COG5: variants seen among roughly 807,000 people sequenced by gnomAD.
COG5 encodes the protein conserved oligomeric Golgi complex subunit 5.
Under a neutral mutation model 110.4 loss-of-function variants are expected in COG5, and 86 were observed. The observed-to-expected ratio is 0.78, with a 90% CI of 0.65 to 0.93. The LOEUF (loss-of-function observed/expected upper bound fraction) is 0.93, where lower values mean the gene tolerates loss of function less well. Ranked by LOEUF, COG5 falls within the 40% of genes least tolerant of loss-of-function variation. COG5 has a pLI of 0.00. For synonymous variants in COG5, 360 were observed against 334.6 expected (o/e 1.08, Z -0.83); for missense variants, 1,077 against 987.0 (o/e 1.09, Z -1.22).
intron 10 of COG5, among the ~76,000 whole-genome samples, chr7:107,325,693 A>G (rs549628351): frequency 6.6e-6 from 1 of 152,158 alleles, no homozygotes; most frequent in Non-Finnish European, 1.5e-5. Flanking sequence ...TAAAAATAAA[A>G]TAAAATATCT....
At chr7:107,434,427 T>A (rs1275387030) in intron 6 of COG5, among the ~76,000 whole-genome samples, 1 of 152,076 alleles carries the variant, frequency 6.6e-6, no homozygotes, top group Non-Finnish European at 1.5e-5. Flanking sequence ...AACCCAAAAG[T>A]CCACTGGCAG....
chr7:107,465,874 T>TAAC (rs1011211649), intron 6 of COG5, among the ~76,000 whole-genome samples: 1 of 152,116 alleles, frequency 6.6e-6, no homozygotes, highest in Admixed American at 6.6e-5. Flanking sequence ...AACAGAGCAC[T>TAAC]AGATTGTAGA....
chr7:107,252,533 A>C (rs1027106680), intron 16 of COG5, among the ~76,000 whole-genome samples: 3 of 152,160 alleles, frequency 2.0e-5, no homozygotes, highest in Non-Finnish European at 4.4e-5. Flanking sequence ...GAAGAGGAGG[A>C]AACACTTTCA....
At chr7:107,325,617 C>G (rs1275162707) in intron 10 of COG5, among the ~76,000 whole-genome samples, 1 of 152,110 alleles carries the variant, frequency 6.6e-6, no homozygotes, top group Admixed American at 6.6e-5. Context: ...CGCCACTGCA[C>G]TTCAGCCTGG....
At chr7:107,271,500 A>G (rs142534244) in intron 14 of COG5, among the ~76,000 whole-genome samples, 10 of 152,096 alleles carry the variant, frequency 6.6e-5, no homozygotes, top group African/African-American at 2.4e-4. Flanking sequence ...TCTTGCCCAT[A>G]TTTTGCCAAA....
intron 11 of COG5, among the ~76,000 whole-genome samples, chr7:107,318,031 TTTC>T (rs1315041220): frequency 1.3e-5 from 2 of 152,176 alleles, no homozygotes; most frequent in Non-Finnish European, 2.9e-5. Flanking sequence ...TCTTTCTTTC[TTTC>T]TTTCTTTTTT....
chr7:107,298,479 A>G (rs1806960263), intron 11 of COG5, 133 bp from the exon 12 acceptor site: 1 of 566,802 alleles, frequency 1.8e-6, no homozygotes, highest in Middle Eastern at 4.8e-4. Flanking sequence ...GAGGCCTTTT[A>G]TAATAATGCT....
chr7:107,399,095 G>A (rs1016743974), intron 7 of COG5, among the ~76,000 whole-genome samples: 3 of 152,060 alleles, frequency 2.0e-5, no homozygotes, highest in South Asian at 2.1e-4. Context: ...CCAGCTACTC[G>A]GAAGTCTGAG....
intron 17 of COG5, among the ~76,000 whole-genome samples, chr7:107,246,096 C>CA: frequency 6.6e-6 from 1 of 152,156 alleles, no homozygotes; most frequent in South Asian, 2.1e-4. Flanking sequence ...ACAATGCTGA[C>CA]AAAAGCAAGC....
intron 12 of COG5, among the ~76,000 whole-genome samples, chr7:107,290,127 T>C (rs1806040945): frequency 6.6e-6 from 1 of 152,230 alleles, no homozygotes; most frequent in Non-Finnish European, 1.5e-5. Context: ...CATAACTGAC[T>C]GTTCCTGTAC....
chr7:107,332,121 T>C (rs2129031410), intron 10 of COG5, among the ~76,000 whole-genome samples: 1 of 152,260 alleles, frequency 6.6e-6, no homozygotes, highest in Admixed American at 6.5e-5. Flanking sequence ...GTACTGGGAT[T>C]ACAGGCATGA....
chr7:107,220,815 C>CTTTTTTTTTTTTTTTTTTT (rs1168926155), intron 19 of COG5, among the ~76,000 whole-genome samples: 1 of 123,932 alleles, frequency 8.1e-6, no homozygotes, highest in Non-Finnish European at 1.7e-5. Flanking sequence ...CTCATGCCTT[C>CTTTTTTTTTTTTTTTTTTT]TTTTTTTTTT....
At chr7:107,417,773 A>AAG (rs1334223339) in intron 6 of COG5, among the ~76,000 whole-genome samples, 7 of 152,228 alleles carry the variant, frequency 4.6e-5, no homozygotes, top group Admixed American at 4.6e-4. Flanking sequence ...AGTCTAATCT[A>AAG]AGTTATGAAG....
intron 6 of COG5, among the ~76,000 whole-genome samples, chr7:107,440,516 G>A (rs1054978085): frequency 6.6e-6 from 1 of 152,064 alleles, no homozygotes; most frequent in African/African-American, 2.4e-5. Context: ...TAATAAGACG[G>A]TCTTTTGCAT....
At chr7:107,213,936 A>G (rs780654926) in intron 19 of COG5, among the ~76,000 whole-genome samples, 8 of 152,232 alleles carry the variant, frequency 5.3e-5, no homozygotes, top group Non-Finnish European at 1.2e-4. Flanking sequence ...ACGGTCATCT[A>G]TGGAATGACC....
At chr7:107,544,725 C>G (rs189140806) in intron 5 of COG5, among the ~76,000 whole-genome samples, 113 of 152,226 alleles carry the variant, frequency 7.4e-4, no homozygotes, top group African/African-American at 2.6e-3. Context: ...TGTGCAGGCA[C>G]CAATACAAGG....
At chr7:107,476,757 A>G (rs929537408) in intron 6 of COG5, among the ~76,000 whole-genome samples, 3 of 151,752 alleles carry the variant, frequency 2.0e-5, no homozygotes, top group Admixed American at 6.6e-5. Flanking sequence ...ATTTTCTGAA[A>G]CTGTATCCAC....
intron 8 of COG5, 113 bp downstream of exon 8, chr7:107,372,482 C>T (rs1185607760): frequency 1.0e-6 from 1 of 978,518 alleles, no homozygotes. Context: ...CATTTTCTGT[C>T]TACTAAAAAA....
intron 6 of COG5, among the ~76,000 whole-genome samples, chr7:107,517,910 C>A (rs996421468): frequency 2.0e-5 from 3 of 151,960 alleles, no homozygotes; most frequent in Non-Finnish European, 2.9e-5. Flanking sequence ...GTTGGTCAGG[C>A]TGGTCTCGAA....
Sources: allele counts gnomAD v4.1 joint callset (sites outside exome capture counted in the v4.1 genomes callset), GRCh38; gene constraint gnomAD v4.1.1; transcripts MANE v1.5; gene names NCBI Gene and HGNC (gene_info 2026-07-23, HGNC 2026-07-21).